SNTG1: variants seen among roughly 807,000 people sequenced by gnomAD.
The protein encoded by SNTG1 is gamma-1-syntrophin.
SNTG1 carries 39 observed loss-of-function variants against 74.7 expected under a neutral mutation model. The observed-to-expected ratio is 0.52, with a 90% CI of 0.40 to 0.68. The LOEUF is 0.68. SNTG1 is among the 30% of genes least tolerant of loss of function. SNTG1 has a pLI of 0.00. For missense variants in SNTG1, 685 were observed against 609.5 expected, an observed-to-expected ratio of 1.12 and a Z score of -1.30; for synonymous variants, 254 against 217.1, an observed-to-expected ratio of 1.17 and a Z score of -1.49.
chr8:49,971,894 T>A (rs1000678544), intron 1 of SNTG1, among the ~76,000 whole-genome samples: 1 of 152,218 alleles, frequency 6.6e-6, no homozygotes, highest in African/African-American at 2.4e-5. Context: ...GAACATTCCA[T>A]GCTCATGGGT....
At chr8:50,625,717 C>G (rs898360844) in intron 13 of SNTG1, among the ~76,000 whole-genome samples, 1 of 152,142 alleles carries the variant, frequency 6.6e-6, no homozygotes, top group Non-Finnish European at 1.5e-5. Flanking sequence ...GTATTCAATT[C>G]TTGCTTTTAA....
At chr8:50,165,081 G>T (rs911849252) in intron 1 of SNTG1, among the ~76,000 whole-genome samples, 1 of 152,096 alleles carries the variant, frequency 6.6e-6, no homozygotes, top group Non-Finnish European at 1.5e-5. Context: ...TGTTGAATTA[G>T]GTGTCAGGTG....
At chr8:49,927,546 T>C (rs1807136991) in intron 1 of SNTG1, among the ~76,000 whole-genome samples, 1 of 152,190 alleles carries the variant, frequency 6.6e-6, no homozygotes, top group Non-Finnish European at 1.5e-5. Context: ...ATTATGGTAC[T>C]AAGTGAAAGA....
chr8:50,176,215 T>C (rs2082994818), intron 2 of SNTG1, among the ~76,000 whole-genome samples: 1 of 152,198 alleles, frequency 6.6e-6, no homozygotes, highest in Non-Finnish European at 1.5e-5. Context: ...CCTGCCCCTC[T>C]CTGTGTCACA....
intron 1 of SNTG1, among the ~76,000 whole-genome samples, chr8:50,105,340 G>C (rs1586294759): frequency 6.6e-6 from 1 of 151,986 alleles, no homozygotes; most frequent in Non-Finnish European, 1.5e-5. Context: ...ATGGTTGTAG[G>C]TGTGTAGTTT....
chr8:50,476,857 GACAC>G lies in SNTG1; in HGVS notation c.364-25895_364-25892del, dbSNP rs59121229. Among the ~76,000 whole-genome samples the G allele has an allele frequency of 3.0e-3, 444 of 145,968 alleles. 5 individuals are homozygous for G. The highest frequency in any genetic ancestry group is 0.01 in the African/African-American group (414 of 39,634). On this transcript the variant is annotated intron_variant, in intron 8 of 18. Coordinates refer to ENST00000642720, the MANE Select transcript of SNTG1 (RefSeq NM_018967.5). ...ACAAAATGAGCCTGTGACACACACA[GACAC>G]ACACACACACACACACACACACACA... is the stretch of plus-strand genomic sequence containing the variant.
At chr8:50,634,696 A>G (rs2095027547) in intron 13 of SNTG1, among the ~76,000 whole-genome samples, 1 of 152,126 alleles carries the variant, frequency 6.6e-6, no homozygotes. Context: ...TTGCTTGTGC[A>G]CATTGGTGGT....
intron 1 of SNTG1, among the ~76,000 whole-genome samples, chr8:49,960,496 G>C (rs890893046): frequency 2.0e-5 from 3 of 151,830 alleles, no homozygotes; most frequent in Non-Finnish European, 4.4e-5. Context: ...TTAGAAATCT[G>C]ATTTTGAAAA....
At position 50,354,753 on chromosome 8, in the gene SNTG1, T is replaced by G. The variant is rs1428922755; in HGVS notation, c.-27-39459T>G. 2.6e-5 allele frequency among the ~76,000 whole-genome samples: 4 copies of G among 152,336 alleles called. No individual in the cohort carries two copies. In the South Asian group the frequency reaches 8.3e-4, roughly 32 times the overall value. ...GCTGCAGTCAAGATGTCAGCCAGGC[T>G]GTGCTTCTTTCTGGAGCCTGGGTCT... On this transcript the variant is annotated intron_variant, in intron 2 of 18. Coordinates refer to ENST00000642720, the MANE Select transcript of SNTG1 (RefSeq NM_018967.5).
At chr8:50,786,484 C>T (rs532965572) in intron 18 of SNTG1, among the ~76,000 whole-genome samples, 6 of 152,022 alleles carry the variant, frequency 3.9e-5, no homozygotes, top group African/African-American at 1.2e-4. Context: ...ATGCCAACTG[C>T]CTTTTTTTCA....
chr8:49,940,676 T>C (rs188918825), intron 1 of SNTG1, among the ~76,000 whole-genome samples: 1 of 152,282 alleles, frequency 6.6e-6, no homozygotes, highest in Admixed American at 6.5e-5. Flanking sequence ...TGCCCAATAT[T>C]GTACTAACAA....
At chr8:49,983,159 C>T (rs960326652) in intron 1 of SNTG1, among the ~76,000 whole-genome samples, 8 of 152,142 alleles carry the variant, frequency 5.3e-5, no homozygotes, top group Admixed American at 5.2e-4. Context: ...CATTTTGATG[C>T]TTGACAACTT....
intron 2 of SNTG1, among the ~76,000 whole-genome samples, chr8:50,217,437 C>T (rs79650318): frequency 0.017 from 2,565 of 152,092 alleles, 64 homozygotes; most frequent in African/African-American, 0.052. Context: ...CAATAAAACC[C>T]AGTCACCTAT....
At chr8:50,420,115 AAAACAT>A (rs2093063739) in intron 4 of SNTG1, among the ~76,000 whole-genome samples, 1 of 152,164 alleles carries the variant, frequency 6.6e-6, no homozygotes, top group African/African-American at 2.4e-5. Flanking sequence ...GAGTATTTAA[AAAACAT>A]AAAGGCTGAA....
At chr8:49,942,487 C>A (rs1808786353) in intron 1 of SNTG1, among the ~76,000 whole-genome samples, 1 of 151,948 alleles carries the variant, frequency 6.6e-6, no homozygotes, top group Non-Finnish European at 1.5e-5. Context: ...TTTTTTACTA[C>A]AGTTCCTACT....
intron 2 of SNTG1, among the ~76,000 whole-genome samples, chr8:50,258,711 A>G (rs1471844591): frequency 6.6e-6 from 1 of 152,156 alleles, no homozygotes; most frequent in Non-Finnish European, 1.5e-5. Flanking sequence ...ACTTGAAGAG[A>G]CAAGGATAGA....
chr8:50,222,338 A>G (rs1245563090), intron 2 of SNTG1, among the ~76,000 whole-genome samples: 3 of 152,136 alleles, frequency 2.0e-5, no homozygotes, highest in Non-Finnish European at 4.4e-5. Flanking sequence ...AATTTCTCCT[A>G]GTTAGATTGG....
chr8:50,576,894 C>T (rs1043317753), intron 12 of SNTG1, among the ~76,000 whole-genome samples: 1 of 152,058 alleles, frequency 6.6e-6, no homozygotes, highest in Non-Finnish European at 1.5e-5. Context: ...ATCATATCAT[C>T]TATGAACAAT....
chr8:50,040,496 C>T (rs761808734), intron 1 of SNTG1, among the ~76,000 whole-genome samples: 20 of 152,088 alleles, frequency 1.3e-4, no homozygotes, highest in African/African-American at 4.6e-4. Context: ...GCAAACTACA[C>T]CATTAAAAAC....
Sources: allele counts gnomAD v4.1 joint callset (sites outside exome capture counted in the v4.1 genomes callset), GRCh38; gene constraint gnomAD v4.1.1; transcripts MANE v1.5; gene names NCBI Gene and HGNC (gene_info 2026-07-23, HGNC 2026-07-21).